Variants in TLN2 observed in about 807,000 individuals in gnomAD.
TLN2 encodes talin-2.
In TLN2, 118 loss-of-function variants were observed where a neutral mutation model predicts 294.7. The observed-to-expected ratio is 0.40, with a 90% CI of 0.34 to 0.47. TLN2 has a LOEUF of 0.47. Among genes scored for constraint, TLN2 ranks in the 20% least tolerant of loss-of-function variants. The pLI is 0.84. For missense variants in TLN2, 3,083 were observed against 3,282.2 expected (o/e 0.94, Z 1.48); for synonymous variants, 1,431 against 1,304.5 (o/e 1.10, Z -2.09).
At chr15:62,404,365 A>C (rs1459112355) in intron 1 of TLN2, among the ~76,000 whole-genome samples, 1 of 152,102 alleles carries the variant, frequency 6.6e-6, no homozygotes, top group Non-Finnish European at 1.5e-5. Flanking sequence ...ACTTGTCTGA[A>C]GTGTTTATCA....
intron 1 of TLN2, among the ~76,000 whole-genome samples, chr15:62,440,330 G>A (rs1183268420): frequency 1.3e-5 from 2 of 152,168 alleles, no homozygotes; most frequent in African/African-American, 2.4e-5. Flanking sequence ...TTGCATTTAA[G>A]ATTGAGATAG....
chr15:62,579,718 T>C (rs2044751397), intron 1 of TLN2, among the ~76,000 whole-genome samples: 1 of 152,050 alleles, frequency 6.6e-6, no homozygotes, highest in African/African-American at 2.4e-5. Context: ...GATGACAGAG[T>C]TTCCACTGGC....
intron 9 of TLN2, chr15:62,658,185 C>CA (rs55907989): frequency 0.035 from 5,861 of 167,454 alleles, 119 homozygotes; most frequent in South Asian, 0.08. Flanking sequence ...AAAAAAAAAC[C>CA]AAAAAAAAAA....
intron 14 of TLN2, among the ~76,000 whole-genome samples, chr15:62,697,175 A>G (rs1301565268): frequency 6.6e-6 from 1 of 152,064 alleles, no homozygotes; most frequent in Non-Finnish European, 1.5e-5. Context: ...TGGCGCGATC[A>G]TAGCTCACTG....
chr15:62,542,673 C>G (rs1007102842), intron 1 of TLN2, among the ~76,000 whole-genome samples: 4 of 152,018 alleles, frequency 2.6e-5, no homozygotes, highest in African/African-American at 9.7e-5. Flanking sequence ...GGGTGTGTTT[C>G]AGGTATGGTT....
intron 25 of TLN2, 108 bp downstream of exon 25, chr15:62,719,988 C>T (rs534152071): frequency 1.8e-5 from 15 of 816,974 alleles, no homozygotes; most frequent in Admixed American, 1.4e-4. Context: ...TAAGTCTTTG[C>T]GGTAGGCAGG....
At chr15:62,556,187 G>A (rs1340240765) in intron 1 of TLN2, among the ~76,000 whole-genome samples, 1 of 150,668 alleles carries the variant, frequency 6.6e-6, no homozygotes, top group Admixed American at 6.6e-5. Context: ...GCATATATAT[G>A]GGTAGGTTTA....
rs1375023715 is a variant in TLN2, at chr15:62,842,445, G to C, written c.*1835G>C. 6.6e-6 allele frequency: 1 copy of C among 152,264 alleles called. No homozygotes were observed. Among genetic ancestry groups the C allele is most frequent in the African/African-American group, 2.4e-5 (1 of 41,436 alleles). 9.4% of individuals were successfully genotyped at this position (152,264 alleles called of 1,614,324 possible). A position where few individuals can be genotyped will look rare whatever the true frequency, so the allele number is the denominator to read the frequency against. On this transcript the variant is annotated 3_prime_UTR_variant, in exon 59 of 59. Coordinates refer to ENST00000636159, the MANE Select transcript of TLN2 (RefSeq NM_015059.3). ...GAGAGGAGGGGCACACGTGCTTCCA[G>C]AGACACTCAGGAGTCAGACCCCAAT...
rs2057317221 is a variant in TLN2, at chr15:62,686,636, T to G, written c.958-5T>G. On this transcript the variant is annotated splice_region_variant and splice_polypyrimidine_tract_variant and intron_variant, in intron 11 of 58. Transcript: ENST00000636159. ...AGCACTGACTCTTGGTATCTCCTGT[T>G]TCAGGAGAAGATGAAAGGCAAGAAC... The G allele has an allele frequency of 1.9e-6, 3 of 1,610,250 alleles. No homozygotes were observed. The South Asian group carries it at 3.3e-5, about 18-fold the overall frequency.
intron 53 of TLN2, among the ~76,000 whole-genome samples, chr15:62,820,169 A>G (rs1442265996): frequency 1.3e-5 from 2 of 152,154 alleles, no homozygotes; most frequent in Admixed American, 6.5e-5. Flanking sequence ...GAGGATGCTT[A>G]CTTAGATTCA....
At chr15:62,625,529 A>C (rs1221858086) in intron 3 of TLN2, among the ~76,000 whole-genome samples, 1 of 152,160 alleles carries the variant, frequency 6.6e-6, no homozygotes, top group Admixed American at 6.6e-5. Flanking sequence ...AGGTTTCTGC[A>C]TCCATGCTGT....
chr15:62,814,675 C>T (rs558178614), intron 52 of TLN2, among the ~76,000 whole-genome samples: 3 of 152,168 alleles, frequency 2.0e-5, no homozygotes, highest in Non-Finnish European at 4.4e-5. Context: ...AAACAAGCCT[C>T]TTTCTAGGGA....
chr15:62,578,874 G>A (rs1473190291), intron 1 of TLN2, among the ~76,000 whole-genome samples: 15 of 152,166 alleles, frequency 9.9e-5, no homozygotes, highest in Non-Finnish European at 2.9e-5. Context: ...CTGGTGCCAG[G>A]CTTGGTGCTG....
intron 1 of TLN2, among the ~76,000 whole-genome samples, chr15:62,459,342 C>T (rs72753866): frequency 0.043 from 6,138 of 141,770 alleles, 186 homozygotes; most frequent in Middle Eastern, 0.14. Context: ...GATCAGTTTG[C>T]TGCTCTTTCT....
At chr15:62,431,713 A>C (rs2035020896) in intron 1 of TLN2, among the ~76,000 whole-genome samples, 1 of 152,258 alleles carries the variant, frequency 6.6e-6, no homozygotes, top group Non-Finnish European at 1.5e-5. Flanking sequence ...ATTTGGAAAA[A>C]CATTCAGAAA....
intron 9 of TLN2, among the ~76,000 whole-genome samples, chr15:62,666,424 T>C (rs1412585412): frequency 5.9e-5 from 9 of 152,110 alleles, no homozygotes; most frequent in Non-Finnish European, 1.3e-4. Flanking sequence ...GACACAGCCT[T>C]TCTCTCCTCT....
intron 1 of TLN2, among the ~76,000 whole-genome samples, chr15:62,393,709 C>T (rs918571380): frequency 1.9e-4 from 29 of 152,002 alleles, no homozygotes; most frequent in Non-Finnish European, 4.3e-4. Context: ...CATGTTAAAC[C>T]TTACATAATA....
intron 16 of TLN2, among the ~76,000 whole-genome samples, chr15:62,699,741 C>G (rs1342791256): frequency 6.6e-6 from 1 of 152,200 alleles, no homozygotes; most frequent in East Asian, 1.9e-4. Context: ...TGAGAAGCAC[C>G]GGCTAGCGCT....
chr15:62,773,620 T>C (rs1169095545), intron 42 of TLN2, among the ~76,000 whole-genome samples: 1 of 152,170 alleles, frequency 6.6e-6, no homozygotes, highest in Non-Finnish European at 1.5e-5. Context: ...ATTTGCTGTG[T>C]GCTAGGTGTT....
Sources: allele counts gnomAD v4.1 joint callset (sites outside exome capture counted in the v4.1 genomes callset), GRCh38; gene constraint gnomAD v4.1.1; transcripts MANE v1.5; gene names NCBI Gene and HGNC (gene_info 2026-07-23, HGNC 2026-07-21).